CDC42BPB: variants seen among roughly 807,000 people sequenced by gnomAD.
The protein encoded by CDC42BPB is serine/threonine-protein kinase MRCK beta.
Under a neutral mutation model 214.9 loss-of-function variants are expected in CDC42BPB, and 37 were observed. The ratio of observed to expected loss-of-function variants is 0.17; its 90% CI spans 0.13 to 0.23. The LOEUF is 0.23. CDC42BPB is among the 10% of genes least tolerant of loss of function. The pLI is 1.00. For missense variants in CDC42BPB, 1,694 were observed against 2,227.0 expected (o/e 0.76, Z 4.82); for synonymous variants, 931 against 884.0 (o/e 1.05, Z -0.94).
At chr14:102,975,553 C>T (rs1192836002) in intron 11 of CDC42BPB, 131 bp downstream of exon 11, 1 of 1,004,054 alleles carries the variant, frequency 1.0e-6, no homozygotes, top group Non-Finnish European at 1.5e-6. Context: ...AATTTGAGAA[C>T]TCTAAATAAG....
At position 102,954,266 on chromosome 14, in the gene CDC42BPB, G is replaced by A. The variant is rs960423641; in HGVS notation, c.2998C>T (p.Arg1000Trp). The change falls in exon 23 of 37, where the codon CGG becomes TGG. Residue 1000 changes from arginine to tryptophan, a missense_variant. Physicochemically the swap from Arg to Trp is moderately radical, Grantham distance 101 (BLOSUM62 -3). Transcript: ENST00000361246. ...ACAGCGGATGGCCTCTGCGGGGGCC[G>A]AGCCATGTCCTGGGAGACAAGCAGG... is the stretch of plus-strand genomic sequence containing the variant. ...AASEQQEDMA[R>W]PPQRPSAVPL... 8 of 1,530,676 alleles carry A rather than the reference G, an allele frequency of 5.2e-6. No individual in the cohort carries two copies. The highest frequency in any genetic ancestry group is 2.4e-5 in the East Asian group (1 of 40,840). 94.8% of individuals were successfully genotyped at this position (1,530,676 alleles called of 1,614,324 possible).
At chr14:103,040,309 T>G (rs1233526138) in intron 1 of CDC42BPB, among the ~76,000 whole-genome samples, 1 of 151,594 alleles carries the variant, frequency 6.6e-6, no homozygotes, top group African/African-American at 2.4e-5. Context: ...GAGCCAAGAT[T>G]GTGCCACTGC....
In CDC42BPB at chr14:103,004,895, C is replaced by T. The variant is rs1391071726; in HGVS notation, c.352-872G>A. Reference sequence around the variant, plus strand: ...AAAAGAAAAAAAAAATGGCTGGTCACGGTGGCCCACACCTGTGGTCCCAGC... The same window carrying T: ...AAAAGAAAAAAAAAATGGCTGGTCATGGTGGCCCACACCTGTGGTCCCAGC... On this transcript the variant is annotated intron_variant, in intron 3 of 36. Transcript: ENST00000361246. The surrounding 1 kb of genome is among the most constrained non-coding windows in gnomAD (Gnocchi z 5.3). Among the ~76,000 whole-genome samples, 4 of 151,720 alleles carry T rather than the reference C, an allele frequency of 2.6e-5. No individual in the cohort carries two copies. The highest frequency in any genetic ancestry group is 5.9e-5 in the Non-Finnish European group (4 of 67,964).
intron 1 of CDC42BPB, among the ~76,000 whole-genome samples, chr14:103,013,178 C>T (rs763973613): frequency 5.3e-5 from 8 of 152,186 alleles, no homozygotes; most frequent in African/African-American, 9.7e-5. Flanking sequence ...GACACAAGTG[C>T]GTGAGGTGAG....
intron 1 of CDC42BPB, among the ~76,000 whole-genome samples, chr14:103,055,181 G>C (rs2139802241): frequency 6.6e-6 from 1 of 152,362 alleles, no homozygotes; most frequent in Non-Finnish European, 1.5e-5. Context: ...CCAGCACTTT[G>C]GGAGGCCGAG....
intron 1 of CDC42BPB, among the ~76,000 whole-genome samples, chr14:103,052,944 T>C (rs963084130): frequency 1.3e-5 from 2 of 152,232 alleles, no homozygotes; most frequent in Admixed American, 1.3e-4. Flanking sequence ...AGACAACAAA[T>C]TCATCTCACT....
At chr14:102,955,566 A>C (rs538597374) in intron 21 of CDC42BPB, among the ~76,000 whole-genome samples, 2 of 152,374 alleles carry the variant, frequency 1.3e-5, no homozygotes, top group East Asian at 3.9e-4. Flanking sequence ...GACACAGGGA[A>C]GCAATGTTTT....
intron 26 of CDC42BPB, among the ~76,000 whole-genome samples, 160 bp downstream of exon 26, chr14:102,949,605 T>C (rs1165808952): frequency 6.6e-6 from 1 of 152,148 alleles, no homozygotes; most frequent in African/African-American, 2.4e-5. Context: ...TGTGAGCGCC[T>C]GAAGTCATGA....
Position 102,971,952 on chromosome 14 carries a change from C to G in CDC42BPB, c.1851G>C (p.Gln617His). 6.2e-7 allele frequency: 1 copy of G among 1,614,256 alleles called. No individual in the cohort carries two copies. The highest frequency in any genetic ancestry group is 8.5e-7 in the Non-Finnish European group (1 of 1,180,050). The change falls in exon 13 of 37, where the codon CAG becomes CAC. Residue 617 changes from glutamine (Q) to histidine (H), a missense_variant. By Grantham distance (24) the Gln-to-His change is conservative. Coordinates refer to ENST00000361246, the MANE Select transcript of CDC42BPB (RefSeq NM_006035.4). Reference sequence around the variant, plus strand: ...TGAGCTTCTCAGCTCTCCGCATTTCCTGCCGCATGGCGTCCACCTTCTGCG... The same window carrying G: ...TGAGCTTCTCAGCTCTCCGCATTTCGTGCCGCATGGCGTCCACCTTCTGCG... ...VATQKVDAMR[Q>H]EMRRAEKLRK...
chr14:102,980,749 T>C (rs1893960640), intron 8 of CDC42BPB, 24 bp downstream of exon 8: 1 of 1,612,216 alleles, frequency 6.2e-7, no homozygotes, highest in African/African-American at 1.3e-5. Flanking sequence ...CCAGCAACCC[T>C]GAGAACGGTG....
Position 103,036,084 on chromosome 14 carries a change from A to G in CDC42BPB, c.175+20915T>C, listed in dbSNP as rs367666696. Among the ~76,000 whole-genome samples the G allele has an allele frequency of 4.5e-4, 69 of 152,160 alleles. 1 individual carries two copies. In the East Asian group the frequency reaches 9.9e-3, roughly 22 times the overall value. ...AAGGATCACCTGAGCCCAGGAGGTC[A>G]AGGCTGCAGTGAGCCATGATCATGC... On this transcript the variant is annotated intron_variant, in intron 1 of 36. Coordinates refer to ENST00000361246, the MANE Select transcript of CDC42BPB (RefSeq NM_006035.4).
At chr14:103,051,729 C>G (rs1439979390) in intron 1 of CDC42BPB, among the ~76,000 whole-genome samples, 3 of 152,252 alleles carry the variant, frequency 2.0e-5, no homozygotes, top group African/African-American at 7.2e-5. Context: ...GTAGCTCACA[C>G]AGTGGTATCC....
intron 17 of CDC42BPB, 159 bp from the exon 18 acceptor site, chr14:102,966,546 A>G (rs543880425): frequency 5.1e-6 from 5 of 984,414 alleles, no homozygotes; most frequent in Non-Finnish European, 6.0e-6. Flanking sequence ...GATCTCATTG[A>G]TGGATGCGTC....
In CDC42BPB at chr14:102,966,331, G is replaced by C. The variant is rs775258543; in HGVS notation, c.2528C>G (p.Thr843Ser). ...GYLQALASKM[T>S]EELEALRSSS... ...ACTCCTCAAAGCCTCGAGCTCTTCG[G>C]TCATCTTGGAAGCAAGAGCTTGAAG... The change falls in exon 18 of 37, where the codon ACC becomes AGC. Residue 843 changes from threonine to serine, a missense_variant. Coordinates refer to ENST00000361246, the MANE Select transcript of CDC42BPB (RefSeq NM_006035.4). The C allele has an allele frequency of 3.7e-6, 6 of 1,614,082 alleles. No individual in the cohort carries two copies. In the Admixed American group the frequency reaches 8.3e-5, roughly 22 times the overall value.
At chr14:103,009,642 C>T (rs1886040364) in intron 2 of CDC42BPB, among the ~76,000 whole-genome samples, 1 of 152,212 alleles carries the variant, frequency 6.6e-6, no homozygotes, top group African/African-American at 2.4e-5. Context: ...AATTTTCTCT[C>T]TCATTCCTTC....
chr14:103,051,426 TAAAA>T (rs549332515), intron 1 of CDC42BPB, among the ~76,000 whole-genome samples: 5 of 80,830 alleles, frequency 6.2e-5, no homozygotes, highest in Non-Finnish European at 2.9e-5. Context: ...CTCTTCCAGC[TAAAA>T]AAAAAAAAAA....
intron 1 of CDC42BPB, among the ~76,000 whole-genome samples, chr14:103,016,171 C>G (rs1886447301): frequency 6.6e-6 from 1 of 152,250 alleles, no homozygotes; most frequent in South Asian, 2.1e-4. Context: ...AGGAGTGCAG[C>G]CAGCTGACGC....
chr14:102,944,607 T>G lies in CDC42BPB; in HGVS notation c.3812-120A>C, dbSNP rs2139365073. 1 of 1,474,072 alleles carries G rather than the reference T, an allele frequency of 6.8e-7. No individual in the cohort carries two copies. Among genetic ancestry groups the G allele is most frequent in the Non-Finnish European group, 9.0e-7 (1 of 1,114,498 alleles). The allele number at this position is 1,474,072 out of a possible 1,614,324, so 91.3% of individuals were successfully genotyped here. ...GGGGCCCTCCCCTGGGCTCCCTTCC[T>G]GTGTGCACAGCCTGAGCCCGGCCCT... On this transcript the variant is annotated intron_variant, in intron 29 of 36. Transcript: ENST00000361246. The surrounding 1 kb of genome is among the most constrained non-coding windows in gnomAD (Gnocchi z 6.6).
intron 21 of CDC42BPB, 125 bp downstream of exon 21, chr14:102,959,506 G>A (rs1892860761): frequency 1.5e-6 from 1 of 669,732 alleles, no homozygotes; most frequent in Non-Finnish European, 2.6e-6. Context: ...GCACAACGCT[G>A]AGATAAACAC....
Sources: gnomAD v4.1 joint callset for allele counts (sites outside exome capture counted in the v4.1 genomes callset) on GRCh38, gnomAD v4.1.1 for gene constraint, Gnocchi (gnomAD v3.1) non-coding constraint, MANE v1.5 for transcripts, NCBI Gene and HGNC (gene_info 2026-07-23, HGNC 2026-07-21) for gene names.